PLEC: variants seen among roughly 807,000 people sequenced by gnomAD.
PLEC encodes the protein hemidesmosomal protein 1.
Under a neutral mutation model 392.8 loss-of-function variants are expected in PLEC, and 216 were observed. That is an observed-to-expected ratio of 0.55 (90% CI 0.49 to 0.62). PLEC has a LOEUF of 0.62. Ranked by LOEUF, PLEC falls within the 20% of genes least tolerant of loss-of-function variation. The probability of loss-of-function intolerance (pLI) is 0.00; values close to 1 mark genes in which losing one functional copy is unlikely to be tolerated. For synonymous variants in PLEC, 3,621 were observed against 2,980.6 expected (o/e 1.21, Z -7.00); for missense variants, 6,863 against 6,563.4 (o/e 1.05, Z -1.58).
At chr8:143,950,275 C>G (rs1554735094) in exon 1 of PLEC, 1 of 1,570,270 alleles carries the variant, frequency 6.4e-7, no homozygotes, top group Non-Finnish European at 8.6e-7. Context: ...CCTCCTCAAG[C>G]TCCTTCCGAC....
At chr8:143,937,109 G>A (rs782210638) in intron 4 of PLEC, 38 bp from the exon 5 acceptor site, 42 of 1,608,250 alleles carry the variant, frequency 2.6e-5, no homozygotes, top group East Asian at 1.8e-4. Context: ...CCCACAGGGC[G>A]GGGCTGGCTT....
intron 2 of PLEC, 174 bp from the exon 3 acceptor site, chr8:143,938,414 T>C (rs1587217930): frequency 6.5e-7 from 1 of 1,536,626 alleles, no homozygotes; most frequent in Non-Finnish European, 8.7e-7. Context: ...TGCCCGCCAG[T>C]GCTGCAAGGA....
At position 143,927,309 on chromosome 8, in the gene PLEC, G is replaced by C; in HGVS notation, c.3783C>G (p.His1261Gln). The change falls in exon 28 of 32, where the codon CAC becomes CAG. Residue 1261 changes from histidine (H) to glutamine (Q), a missense_variant. Transcript: ENST00000345136. ...TCTGGCACTCCTCGACCTTCTCGCC[G>C]TGGCGCTCGATCTCCTCCAGCAGGG... ...EQALLEEIERHGEKVEECQRF... is the reference protein window; with the variant it reads ...EQALLEEIERQGEKVEECQRF... The C allele has an allele frequency of 6.2e-7, 1 of 1,613,172 alleles. No homozygotes were observed. The highest frequency in any genetic ancestry group is 1.1e-5 in the South Asian group (1 of 91,088).
intron 3 of PLEC, 86 bp downstream of exon 3, chr8:143,938,065 C>A (rs909453735): frequency 1.1e-6 from 1 of 929,152 alleles, no homozygotes; most frequent in Non-Finnish European, 1.7e-6. Context: ...GTAGAGTGGG[C>A]GGCCGGAGAG....
chr8:143,939,602 G>C (rs1395615508), upstream of PLEC: 2 of 1,487,280 alleles, frequency 1.3e-6, no homozygotes, highest in East Asian at 2.5e-5. Flanking sequence ...AGCCCCAGTC[G>C]GTGCGGCCAC....
In PLEC at chr8:143,927,870, G is replaced by T. The variant is rs782271721; in HGVS notation, c.3383C>A (p.Thr1128Asn). The change falls in exon 26 of 32, where the codon ACC (threonine) becomes AAC (asparagine). Residue 1128 changes from threonine (T) to asparagine (N), a missense_variant. By Grantham distance (65) the Thr-to-Asn change is moderately conservative (BLOSUM62 0). Transcript: ENST00000345136. The part of the protein sequence containing the change: ...VPATLPELEA[T>N]KASLKKLRAQ... The stretch of plus-strand genomic sequence containing the variant: ...AAACGATACCTTCAGAGAGGCCTTG[G>T]TGGCCTCGAGCTCCGGGAGGGTGGC... 6.3e-7 allele frequency: 1 copy of T among 1,590,092 alleles called. No individual in the cohort carries two copies. Among genetic ancestry groups the T allele is most frequent in the Non-Finnish European group, 8.6e-7 (1 of 1,168,866 alleles).
chr8:143,943,520 C>T (rs910608251), upstream of PLEC, among the ~76,000 whole-genome samples: 7 of 152,208 alleles, frequency 4.6e-5, no homozygotes, highest in Admixed American at 1.3e-4. Context: ...GTGTGGGGGA[C>T]GCTCCTGCCC....
At chr8:143,957,011 C>T (rs910412623), upstream of PLEC, among the ~76,000 whole-genome samples, 9 of 152,120 alleles carry the variant, frequency 5.9e-5, no homozygotes, top group African/African-American at 2.2e-4. Context: ...AAGGCCTTGC[C>T]GTAGAGGAAA....
chr8:143,947,319 G>A (rs1451228535), intron 1 of PLEC, among the ~76,000 whole-genome samples: 2 of 152,234 alleles, frequency 1.3e-5, no homozygotes, highest in African/African-American at 4.8e-5. Flanking sequence ...TCTAGGTGCT[G>A]TGCGTGTACA....
chr8:143,937,131 TGGGTGGGGCCCA>T, intron 4 of PLEC, 22 bp downstream of exon 4: 2 of 1,609,074 alleles, frequency 1.2e-6, no homozygotes, highest in Non-Finnish European at 8.5e-7. Context: ...GTGAGGGGTC[TGGGTGGGGCCCA>T]GGGCCTGCCG....
At chr8:143,937,330 G>T in intron 3 of PLEC, 88 bp from the exon 4 acceptor site, 1 of 972,856 alleles carries the variant, frequency 1.0e-6, no homozygotes, top group Non-Finnish European at 1.6e-6. Context: ...CAGCAACCGA[G>T]CCAAGGGTCT....
rs782814789 is a variant in PLEC at position 143,921,040 on chromosome 8, G to C, written c.8781C>G (p.Ile2927Met). ...FQGKTVTIWE[I>M]INSEYFTAEQ... ...CTGCCGTGAAGTATTCCGAGTTGAT[G>C]ATCTCCCAAATGGTCACCGTCTTGC... The change falls in exon 32 of 32, where the codon ATC (isoleucine) becomes ATG (methionine). Residue 2927 changes from isoleucine (I) to methionine (M), a missense_variant. Physicochemically the swap from Ile to Met is conservative, Grantham distance 10. Coordinates refer to ENST00000345136, the MANE Select transcript of PLEC (RefSeq NM_201384.3). 1.9e-5 allele frequency: 31 copies of C among 1,612,732 alleles called. No individual in the cohort carries two copies. The highest frequency in any genetic ancestry group is 2.6e-5 in the Non-Finnish European group (31 of 1,180,034).
At chr8:143,975,260 T>C, upstream of PLEC, 1 of 1,609,026 alleles carries the variant, frequency 6.2e-7, no homozygotes, top group South Asian at 1.1e-5. This position sits in a 1 kb window ranked among gnomAD's most constrained non-coding sequence, Gnocchi z 9.9. Context: ...CCGGCTCCGC[T>C]GCGTTTTCCC....
In PLEC at chr8:143,918,659, C is replaced by T. The variant is rs781986718; in HGVS notation, c.11162G>A (p.Arg3721His). 35 of 1,612,684 alleles carry T rather than the reference C, an allele frequency of 2.2e-5. No individual in the cohort carries two copies. The highest frequency in any genetic ancestry group is 2.4e-5 in the Non-Finnish European group (28 of 1,179,980). ...GGCTGCCTGTGCCTCCAGCAGCAGG[C>T]GGGCCACCTCGGCACTCAGCAGCCC... Reference protein sequence around the residue: ...KKGLLSAEVARLLLEAQAATG... With the variant: ...KKGLLSAEVAHLLLEAQAATG... The change falls in exon 32 of 32, where the codon CGC becomes CAC. Residue 3721 changes from arginine (R) to histidine (H), a missense_variant. Transcript: ENST00000345136.
At position 143,922,791 on chromosome 8, in the gene PLEC, C is replaced by A; in HGVS notation, c.7138G>T (p.Ala2380Ser). Residue 2380 changes from alanine to serine, a missense_variant, in exon 31 of 32, where the codon GCT becomes TCT. Ala to Ser is a moderately conservative substitution (Grantham distance 99). Transcript: ENST00000345136. ...CGCAGCTTGAGGCGCTCAGCCTCAGCGCTCATCTCCAGCTGCCGCTGCCGC... is the reference window on the plus strand; with the variant it reads ...CGCAGCTTGAGGCGCTCAGCCTCAGAGCTCATCTCCAGCTGCCGCTGCCGC... ...AERQRQLEMS[A>S]EAERLKLRVA... 6.3e-7 allele frequency: 1 copy of A among 1,595,882 alleles called. No homozygotes were observed. The highest frequency in any genetic ancestry group is 8.5e-7 in the Non-Finnish European group (1 of 1,174,302).
upstream of PLEC, among the ~76,000 whole-genome samples, chr8:143,943,614 A>G (rs1337116197): frequency 6.6e-6 from 1 of 152,156 alleles, no homozygotes; most frequent in East Asian, 1.9e-4. Flanking sequence ...CTGGGACTGC[A>G]GCAGGGTCAG....
intron 1 of PLEC, among the ~76,000 whole-genome samples, chr8:143,948,705 C>G (rs1831785068): frequency 6.6e-6 from 1 of 152,250 alleles, no homozygotes; most frequent in African/African-American, 2.4e-5. Flanking sequence ...ACCCAGCACA[C>G]CCCACTCTTG....
rs1554715193 is a variant in PLEC at position 143,931,514 on chromosome 8, C to T, written c.2304+20G>A. On this transcript the variant is annotated intron_variant, in intron 19 of 31. Coordinates refer to ENST00000345136, the MANE Select transcript of PLEC (RefSeq NM_201384.3). ...CAGGCCAGCCCCTCCTGACACGCCCCTGCACACCCCCTCCCTCACCTGGGC... is the reference window on the plus strand; with the variant it reads ...CAGGCCAGCCCCTCCTGACACGCCCTTGCACACCCCCTCCCTCACCTGGGC... 2 of 1,557,568 alleles carry T rather than the reference C, an allele frequency of 1.3e-6. No individual in the cohort carries two copies. Among genetic ancestry groups the T allele is most frequent in the East Asian group, 2.3e-5 (1 of 42,614 alleles).
In PLEC at chr8:143,958,933, T is replaced by C; in HGVS notation, c.70+14470A>G. On this transcript the variant is annotated intron_variant, in intron 1 of 31. Coordinates refer to the PLEC transcript ENST00000356346. The surrounding 1 kb of genome is among the most constrained non-coding windows in gnomAD (Gnocchi z 4.9). ...ATGCACTTTCCCAGAACTCTGTTAA[T>C]ATCGTTGACTTCACTAGCAGATTAA... 1.0e-5 allele frequency: 2 copies of C among 192,530 alleles called. No individual in the cohort carries two copies. The highest frequency in any genetic ancestry group is 1.5e-4 in the South Asian group (2 of 13,348). The allele number at this position is 192,530 out of a possible 1,614,324, so 11.9% of individuals were successfully genotyped here.
Sources: gnomAD v4.1 joint callset for allele counts (sites outside exome capture counted in the v4.1 genomes callset) on GRCh38, gnomAD v4.1.1 for gene constraint, Gnocchi (gnomAD v3.1) non-coding constraint, MANE v1.5 for transcripts, NCBI Gene and HGNC (gene_info 2026-07-23, HGNC 2026-07-21) for gene names.